PLXNA2: variants seen among roughly 807,000 people sequenced by gnomAD.
PLXNA2 encodes the protein plexin A2, also known as plexin-A2.
Under a neutral mutation model 193.5 loss-of-function variants are expected in PLXNA2, and 91 were observed. The observed-to-expected ratio is 0.47, with a 90% CI of 0.40 to 0.56. The LOEUF is 0.56. Ranked by LOEUF, PLXNA2 falls within the 20% of genes least tolerant of loss-of-function variation. PLXNA2 has a pLI of 0.00. For synonymous variants in PLXNA2, 997 were observed against 1,027.3 expected, an observed-to-expected ratio of 0.97 and a Z score of 0.56; for missense variants, 1,995 against 2,503.2, an observed-to-expected ratio of 0.80 and a Z score of 4.33.
At chr1:208,091,371 GAC>G (rs1239410855) in intron 9 of PLXNA2, among the ~76,000 whole-genome samples, 6 of 152,214 alleles carry the variant, frequency 3.9e-5, no homozygotes, top group African/African-American at 1.2e-4. Context: ...AAGATTAGAA[GAC>G]ACAAGACTCC....
At chr1:208,093,591 C>T (rs1247119370) in intron 8 of PLXNA2, among the ~76,000 whole-genome samples, 1 of 152,164 alleles carries the variant, frequency 6.6e-6, no homozygotes, top group Admixed American at 6.5e-5. Context: ...CCTGTTATTT[C>T]AACCTCTTAA....
chr1:208,161,726 G>A (rs1669111479), intron 3 of PLXNA2, among the ~76,000 whole-genome samples: 1 of 152,032 alleles, frequency 6.6e-6, no homozygotes, highest in African/African-American at 2.4e-5. Context: ...GGGAGAAGTG[G>A]TCCTGTTACT....
rs150037456 is a variant in PLXNA2, at chr1:208,214,059, C to T, written c.1188+2676G>A. Among the ~76,000 whole-genome samples the T allele has an allele frequency of 9.2e-5, 14 of 152,106 alleles. No homozygotes were observed. In the East Asian group the frequency reaches 1.6e-3, roughly 17 times the overall value. ...GGACTCTGCAAGCATTTAACCCTTA[C>T]GGAGGGTTACATTTCCTCTCCACCT... is the stretch of plus-strand genomic sequence containing the variant. On this transcript the variant is annotated intron_variant, in intron 2 of 31. Coordinates refer to ENST00000367033, the MANE Select transcript of PLXNA2 (RefSeq NM_025179.4).
chr1:208,103,303 G>A, intron 4 of PLXNA2, 56 bp from the exon 5 acceptor site: 3 of 1,353,348 alleles, frequency 2.2e-6, no homozygotes, highest in South Asian at 1.3e-5. Flanking sequence ...ACTAGCAGGT[G>A]TGTGTCACAC....
At position 208,031,757 on chromosome 1, in the gene PLXNA2, GC is replaced by G; in HGVS notation, c.5057del (p.Gly1686AlafsTer35). The part of the protein sequence containing the change: ...IYLTRLLATK[G>X]TLQKFVDDLF... ...AGTCGTCCACAAACTTCTGCAGGGT[GC>G]CCTGGAGGAGGGGTGGGGGAGAGTA... On this transcript the variant is annotated frameshift_variant and splice_region_variant, in exon 29 of 32. Coordinates refer to ENST00000367033, the MANE Select transcript of PLXNA2 (RefSeq NM_025179.4). LOFTEE classifies it high-confidence loss of function. 6.3e-7 allele frequency: 1 copy of G among 1,599,568 alleles called. No individual in the cohort carries two copies.
chr1:208,147,449 T>TG (rs58453088), intron 3 of PLXNA2, among the ~76,000 whole-genome samples: 135,571 of 151,896 alleles, frequency 0.89, 60,789 homozygotes, highest in East Asian at 1. Context: ...TAACCCCTTT[T>TG]TTTCATGGTT....
intron 4 of PLXNA2, among the ~76,000 whole-genome samples, chr1:208,131,864 C>T (rs1188399458): frequency 1.3e-5 from 2 of 152,160 alleles, no homozygotes; most frequent in African/African-American, 4.8e-5. Context: ...GGCGAGCAGT[C>T]CAGGAGCTTT....
chr1:208,125,692 G>A (rs1023358725), intron 4 of PLXNA2, among the ~76,000 whole-genome samples: 1 of 152,114 alleles, frequency 6.6e-6, no homozygotes, highest in Non-Finnish European at 1.5e-5. Context: ...ACACAGAACA[G>A]GTTTGCCTGC....
intron 3 of PLXNA2, among the ~76,000 whole-genome samples, chr1:208,159,723 G>A (rs908081973): frequency 3.9e-5 from 6 of 152,288 alleles, no homozygotes; most frequent in South Asian, 2.1e-4. Context: ...CAGGAGGGCC[G>A]GATCTCTGAT....
chr1:208,042,987 TCTC>T, intron 21 of PLXNA2, 71 bp downstream of exon 21: 1 of 1,494,238 alleles, frequency 6.7e-7, no homozygotes, highest in Non-Finnish European at 9.2e-7. Flanking sequence ...TACTGCTGAG[TCTC>T]ATCTGGATTT....
rs2102613916 is a variant in PLXNA2 at position 208,217,695 on chromosome 1, G to A, written c.228C>T (p.Asn76=). 6.2e-7 allele frequency: 1 copy of A among 1,614,190 alleles called. No individual in the cohort carries two copies. The highest frequency in any genetic ancestry group is 8.5e-7 in the Non-Finnish European group (1 of 1,180,036). The change falls in exon 2 of 32, where the codon AAC becomes AAT. Residue 76 remains asparagine, a synonymous_variant. Transcript: ENST00000367033. This position sits in a 1 kb window ranked among gnomAD's most constrained non-coding sequence, Gnocchi z 4.7. ...AINRVYKLTG[N]LTIQVAHKTG... is the part of the protein sequence containing the mutation. Reference sequence around the variant, plus strand: ...TCTTATGAGCCACCTGGATGGTCAGGTTGCCTGTCAGCTTATAGACCCGGT... The same window carrying A: ...TCTTATGAGCCACCTGGATGGTCAGATTGCCTGTCAGCTTATAGACCCGGT...
At chr1:208,143,270 G>C (rs1422748496) in intron 3 of PLXNA2, among the ~76,000 whole-genome samples, 1 of 152,222 alleles carries the variant, frequency 6.6e-6, no homozygotes, top group Non-Finnish European at 1.5e-5. Context: ...TCGAGGAGCA[G>C]CGAGGTAGTC....
intron 17 of PLXNA2, among the ~76,000 whole-genome samples, chr1:208,050,603 C>T (rs975452105): frequency 6.6e-6 from 1 of 152,110 alleles, no homozygotes; most frequent in Non-Finnish European, 1.5e-5. Flanking sequence ...GAGGCCAAGG[C>T]GGGAGGATCA....
chr1:208,056,608 T>C (rs1246933982), intron 13 of PLXNA2, among the ~76,000 whole-genome samples: 1 of 152,060 alleles, frequency 6.6e-6, no homozygotes, highest in Non-Finnish European at 1.5e-5. Context: ...GGGGCTCATG[T>C]TTCAAAAGAA....
intron 3 of PLXNA2, among the ~76,000 whole-genome samples, chr1:208,184,023 CTATTG>C (rs1669925056): frequency 6.6e-6 from 1 of 152,136 alleles, no homozygotes; most frequent in Admixed American, 6.5e-5. Context: ...TAGCTAGTGG[CTATTG>C]TATTGAACAG....
intron 4 of PLXNA2, among the ~76,000 whole-genome samples, chr1:208,126,401 A>C (rs887433099): frequency 6.6e-6 from 1 of 152,148 alleles, no homozygotes; most frequent in Non-Finnish European, 1.5e-5. Flanking sequence ...CTTTCTGCAC[A>C]CTAGTCTCTA....
At chr1:208,079,494 G>A in intron 11 of PLXNA2, 44 bp from the exon 12 acceptor site, 1 of 1,414,014 alleles carries the variant, frequency 7.1e-7, no homozygotes, top group Non-Finnish European at 9.7e-7. Context: ...AGAAAGGGCT[G>A]CTCACAATGC....
Position 208,124,416 on chromosome 1 carries a change from C to T in PLXNA2, c.1506+17913G>A, listed in dbSNP as rs180771022. Among the ~76,000 whole-genome samples the T allele has an allele frequency of 5.9e-5, 9 of 151,308 alleles. No homozygotes were observed. The East Asian group carries it at 1.4e-3, about 23-fold the overall frequency. On this transcript the variant is annotated intron_variant, in intron 4 of 31. Coordinates refer to ENST00000367033, the MANE Select transcript of PLXNA2 (RefSeq NM_025179.4). ...GAACCAGGCCAGGCACGGTGGCTCA[C>T]GTCTGTAATCCCAGCACTTTGGGAA...
intron 4 of PLXNA2, among the ~76,000 whole-genome samples, chr1:208,138,843 A>G (rs1176810742): frequency 6.6e-6 from 1 of 152,218 alleles, no homozygotes; most frequent in Non-Finnish European, 1.5e-5. Flanking sequence ...CCTGGCCAAC[A>G]TGGCAAAACC....
Sources: gnomAD v4.1 joint callset for allele counts (sites outside exome capture counted in the v4.1 genomes callset) on GRCh38, gnomAD v4.1.1 for gene constraint, Gnocchi (gnomAD v3.1) non-coding constraint, MANE v1.5 for transcripts, NCBI Gene and HGNC (gene_info 2026-07-23, HGNC 2026-07-21) for gene names.